NUDCD3: variants seen among roughly 807,000 people sequenced by gnomAD.
The protein encoded by NUDCD3 is NudC domain containing 3, also known as nudC domain-containing protein 3.
A neutral mutation model predicts 39.7 loss-of-function variants in NUDCD3; 13 were observed. The ratio of observed to expected loss-of-function variants is 0.33; its 90% CI spans 0.21 to 0.52. The LOEUF is 0.52. Among genes scored for constraint, NUDCD3 ranks in the 20% least tolerant of loss-of-function variants. The pLI, the probability that NUDCD3 is intolerant of heterozygous loss-of-function variation, is 0.96. For missense variants in NUDCD3, 453 were observed against 458.1 expected (o/e 0.99, Z 0.10); for synonymous variants, 175 against 172.4 (o/e 1.02, Z -0.12).
chr7:44,464,213 C>CA (rs776316432), intron 2 of NUDCD3, among the ~76,000 whole-genome samples: 2,514 of 69,862 alleles, frequency 0.036, 71 homozygotes, highest in African/African-American at 0.1. Flanking sequence ...GACCCCATCT[C>CA]AAAAAAAAAA....
intron 3 of NUDCD3, among the ~76,000 whole-genome samples, chr7:44,420,318 C>T (rs976042539): frequency 3.3e-5 from 5 of 151,942 alleles, no homozygotes; most frequent in South Asian, 2.1e-4. Context: ...TGAAAAGGAA[C>T]GAACAAAGCC....
At chr7:44,419,739 A>C (rs1585066686) in intron 3 of NUDCD3, among the ~76,000 whole-genome samples, 2 of 152,322 alleles carry the variant, frequency 1.3e-5, no homozygotes, top group Admixed American at 1.3e-4. Context: ...CAATTGGAGC[A>C]GACCTGCAGA....
Position 44,404,477 on chromosome 7 carries a change from C to T in NUDCD3, c.749G>A (p.Ser250Asn). ...CCCGGGCTCGAGACTCCAGAGAGAA[C>T]TCTCAGTGTTGATCTTGTGGGTGAG... The part of the protein sequence containing the change: ...GKLTHKINTE[S>N]SLWSLEPGKC... Residue 250 changes from serine to asparagine, a missense_variant, in exon 4 of 6, where the codon AGT (serine) becomes AAT (asparagine). Transcript: ENST00000355451. 2 of 1,614,130 alleles carry T rather than the reference C, an allele frequency of 1.2e-6. No homozygotes were observed. Among genetic ancestry groups the T allele is most frequent in the Non-Finnish European group, 8.5e-7 (1 of 1,180,010 alleles).
chr7:44,441,001 T>G (rs1799572612), intron 2 of NUDCD3, among the ~76,000 whole-genome samples: 1 of 152,200 alleles, frequency 6.6e-6, no homozygotes, highest in Non-Finnish European at 1.5e-5. Context: ...CCTCCTTTTC[T>G]TCCCATCTCC....
intron 3 of NUDCD3, among the ~76,000 whole-genome samples, chr7:44,412,363 T>C (rs1433021218): frequency 1.3e-5 from 2 of 152,214 alleles, no homozygotes; most frequent in Admixed American, 1.3e-4. Flanking sequence ...TCTAGATCAT[T>C]TTATTACAAT....
rs1164882162 is a variant in NUDCD3, at chr7:44,383,557, T to C, written c.*2454A>G. On this transcript the variant is annotated 3_prime_UTR_variant, in exon 6 of 6. Coordinates refer to ENST00000355451, the MANE Select transcript of NUDCD3 (RefSeq NM_015332.4). Reference sequence around the variant, plus strand: ...TAATGACCATGCACAGACAGAACTGTCTCAGCAGCAAATGTCACACGCAGA... The same window carrying C: ...TAATGACCATGCACAGACAGAACTGCCTCAGCAGCAAATGTCACACGCAGA... The C allele has an allele frequency of 6.6e-6, 1 of 152,208 alleles. No individual in the cohort carries two copies. The highest frequency in any genetic ancestry group is 1.5e-5 in the Non-Finnish European group (1 of 68,048). 9.4% of individuals were successfully genotyped at this position (152,208 alleles called of 1,614,324 possible). A position where few individuals can be genotyped will look rare whatever the true frequency, so the allele number is the denominator to read the frequency against.
intron 3 of NUDCD3, among the ~76,000 whole-genome samples, chr7:44,409,005 C>T (rs571338768): frequency 1.5e-4 from 23 of 152,276 alleles, no homozygotes; most frequent in East Asian, 5.8e-4. Flanking sequence ...GTTGAAAATA[C>T]GGCAAGTGTT....
intron 2 of NUDCD3, among the ~76,000 whole-genome samples, chr7:44,434,335 A>C (rs763662284): frequency 2.0e-5 from 3 of 152,054 alleles, no homozygotes; most frequent in Non-Finnish European, 2.9e-5. Context: ...TCACTTACAA[A>C]GGGACAGGCT....
At chr7:44,395,121 T>C (rs183080720) in intron 4 of NUDCD3, among the ~76,000 whole-genome samples, 95 of 152,368 alleles carry the variant, frequency 6.2e-4, no homozygotes, top group Admixed American at 1.7e-3. Flanking sequence ...TATATTCACA[T>C]GCCCAAGTTG....
intron 3 of NUDCD3, among the ~76,000 whole-genome samples, chr7:44,410,209 T>C (rs980742772): frequency 3.3e-5 from 5 of 152,270 alleles, no homozygotes; most frequent in African/African-American, 7.2e-5. Context: ...CTCACCTAGA[T>C]GTCATAATCA....
At chr7:44,413,847 G>C (rs1386642774) in intron 3 of NUDCD3, among the ~76,000 whole-genome samples, 1 of 152,166 alleles carries the variant, frequency 6.6e-6, no homozygotes, top group African/African-American at 2.4e-5. Context: ...GTGCCCAGGA[G>C]TACAAGACCA....
chr7:44,391,504 C>T (rs757030635), intron 5 of NUDCD3, among the ~76,000 whole-genome samples: 1 of 152,122 alleles, frequency 6.6e-6, no homozygotes, highest in Non-Finnish European at 1.5e-5. Context: ...TATCGATCAG[C>T]GATCTTCAGG....
rs946717680 is a variant in NUDCD3 at position 44,380,455 on chromosome 7, T to C, written c.*5556A>G. 4.6e-5 allele frequency: 7 copies of C among 152,140 alleles called. No homozygotes were observed. Among genetic ancestry groups the C allele is most frequent in the Admixed American group, 1.3e-4 (2 of 15,274 alleles). 9.4% of individuals were successfully genotyped at this position (152,140 alleles called of 1,614,324 possible). On this transcript the variant is annotated 3_prime_UTR_variant, in exon 6 of 6. Coordinates refer to ENST00000355451, the MANE Select transcript of NUDCD3 (RefSeq NM_015332.4). ...ACCAAAAGAGGTGGTCACTCAGGGG[T>C]GCTGGAATCTTCCCCACCTTAAGGC...
In NUDCD3 at chr7:44,490,428, G is replaced by A. The variant is rs1483554719; in HGVS notation, c.173C>T (p.Ala58Val). The A allele has an allele frequency of 6.3e-7, 1 of 1,578,142 alleles. No individual in the cohort carries two copies. Among genetic ancestry groups the A allele is most frequent in the Non-Finnish European group, 8.6e-7 (1 of 1,163,096 alleles). The change falls in exon 1 of 6, where the codon GCG becomes GTG. Residue 58 changes from alanine to valine, a missense_variant. Transcript: ENST00000355451. ...SDRMGFPPGA[A>V]QALVLQVFKT... Reference sequence around the variant, plus strand: ...CCTCACCTGCAGCACCAAGGCCTGCGCGGCCCCGGGCGGGAAGCCCATGCG... The same window carrying A: ...CCTCACCTGCAGCACCAAGGCCTGCACGGCCCCGGGCGGGAAGCCCATGCG...
intron 2 of NUDCD3, among the ~76,000 whole-genome samples, chr7:44,483,340 G>A (rs779538347): frequency 2.6e-5 from 4 of 152,102 alleles, no homozygotes; most frequent in Non-Finnish European, 5.9e-5. Flanking sequence ...AAAAAAAAGT[G>A]TCAACCTGCA....
chr7:44,402,680 T>G (rs774447092), intron 4 of NUDCD3: 3 of 456,574 alleles, frequency 6.6e-6, no homozygotes, highest in Non-Finnish European at 8.8e-6. Flanking sequence ...CTTGAGAGCA[T>G]CGTGACCTGC....
intron 2 of NUDCD3, among the ~76,000 whole-genome samples, chr7:44,476,172 C>T (rs902261782): frequency 2.6e-5 from 4 of 152,096 alleles, no homozygotes; most frequent in Non-Finnish European, 5.9e-5. Flanking sequence ...AACAAGGAAC[C>T]CAAATTTCTC....
intron 2 of NUDCD3, among the ~76,000 whole-genome samples, chr7:44,432,522 A>C (rs902214718): frequency 2.0e-5 from 3 of 152,186 alleles, no homozygotes; most frequent in Non-Finnish European, 2.9e-5. Context: ...TGGCTCCCCA[A>C]GTCACAGCCA....
At chr7:44,392,912 A>G (rs770583293) in intron 4 of NUDCD3, among the ~76,000 whole-genome samples, 1 of 152,026 alleles carries the variant, frequency 6.6e-6, no homozygotes, top group Non-Finnish European at 1.5e-5. Flanking sequence ...TTGCCATGGA[A>G]GGCTCTGCTT....
Sources: allele counts gnomAD v4.1 joint callset (sites outside exome capture counted in the v4.1 genomes callset), GRCh38; gene constraint gnomAD v4.1.1; transcripts MANE v1.5; gene names NCBI Gene and HGNC (gene_info 2026-07-23, HGNC 2026-07-21).